SELENOP: variants seen among roughly 807,000 people sequenced by gnomAD.
SELENOP encodes the protein selenoprotein P, plasma, 1.
A neutral mutation model predicts 41.0 loss-of-function variants in SELENOP; 36 were observed. The observed-to-expected ratio is 0.88, with a 90% confidence interval of 0.67 to 1.16. SELENOP has a LOEUF of 1.16. SELENOP is among the 50% of genes most tolerant of loss of function. SELENOP has a pLI of 0.00. For synonymous variants in SELENOP, 144 were observed against 150.8 expected (o/e 0.95, Z 0.33); for missense variants, 440 against 454.2 (o/e 0.97, Z 0.28).
At chr5:42,803,593 A>C (rs1043043311) in intron 4 of SELENOP, among the ~76,000 whole-genome samples, 7 of 152,216 alleles carry the variant, frequency 4.6e-5, no homozygotes, top group African/African-American at 1.7e-4. Context: ...CAACTTACAG[A>C]TAAAATTGTG....
Position 42,806,905 on chromosome 5 carries a change from ATGAGGAAGTCATCTT to A in SELENOP, c.392_406del (p.Lys131_Leu135del). On this transcript the variant is annotated inframe_deletion, in exon 3 of 5. Transcript: ENST00000514985. ...GTGTGTATGTACAAACCTATCATAT[ATGAGGAAGTCATCTT>A]TGCTTCCATTTAAAAGAGTCCAGAC... 6.2e-7 allele frequency: 1 copy of A among 1,601,170 alleles called. No homozygotes were observed. The highest frequency in any genetic ancestry group is 8.5e-7 in the Non-Finnish European group (1 of 1,169,838).
At chr5:42,808,470 C>G in intron 1 of SELENOP, 104 bp from the exon 2 acceptor site, 1 of 414,220 alleles carries the variant, frequency 2.4e-6, no homozygotes. Flanking sequence ...CTAAAAATAC[C>G]TAGCCCATGA....
At chr5:42,810,200 G>A (rs1351279817) in intron 1 of SELENOP, among the ~76,000 whole-genome samples, 5 of 152,160 alleles carry the variant, frequency 3.3e-5, no homozygotes, top group Non-Finnish European at 4.4e-5. Context: ...CAAATCCTAA[G>A]CTACATCTTA....
At chr5:42,809,538 G>A (rs777645312) in intron 1 of SELENOP, among the ~76,000 whole-genome samples, 11 of 152,158 alleles carry the variant, frequency 7.2e-5, no homozygotes, top group Non-Finnish European at 1.3e-4. Context: ...TGAAAACTGG[G>A]AAATCAATAT....
At position 42,806,884 on chromosome 5, in the gene SELENOP, G is replaced by A. The variant is rs1468026655; in HGVS notation, c.416+12C>T. ...TTTTAAATTTGGGATGTGTTTGTGT[G>A]TATGTACAAACCTATCATATATGAG... On this transcript the variant is annotated intron_variant, in intron 3 of 4. Coordinates refer to ENST00000514985, the MANE Select transcript of SELENOP (RefSeq NM_005410.4). 1.3e-6 allele frequency: 2 copies of A among 1,490,842 alleles called. No individual in the cohort carries two copies. Among genetic ancestry groups the A allele is most frequent in the African/African-American group, 1.4e-5 (1 of 72,034 alleles). 92.4% of individuals were successfully genotyped at this position (1,490,842 alleles called of 1,614,324 possible). A position where few individuals can be genotyped will look rare whatever the true frequency, so the allele number is the denominator to read the frequency against.
rs1019852885 is a variant in SELENOP, at chr5:42,808,179, A to C, written c.175T>G (p.Sec59Gly). 1.3e-6 allele frequency: 2 copies of C among 1,565,140 alleles called. No individual in the cohort carries two copies. Among genetic ancestry groups the C allele is most frequent in the Admixed American group, 3.8e-5 (2 of 52,374 alleles). ...VTVVALLQAS[U>G]YLCILQASKL... ...GATGCCTGCAGTATGCACAGGTATC[A>C]GCTGGCTTGAAGAAGAGCAACCACA... Residue 59 changes from selenocysteine (U) to glycine (G), a missense_variant, in exon 2 of 5, where the codon TGA becomes GGA. Coordinates refer to ENST00000514985, the MANE Select transcript of SELENOP (RefSeq NM_005410.4).
rs781508107 is a variant in SELENOP, at chr5:42,800,851, T to C, written c.1015A>G (p.Ile339Val). The change falls in exon 5 of 5, where the codon ATA becomes GTA. Residue 339 changes from isoleucine (I) to valine (V), a missense_variant. By Grantham distance (29) the Ile-to-Val change is conservative. Transcript: ENST00000514985. The stretch of plus-strand genomic sequence containing the variant: ...AAACGTCACTGACAAGATTCAGTTA[T>C]GTTCTCCTCTGCCCGAAGTCCCTGT... Reference protein sequence around the residue: ...SUQGLRAEENITESCQURLPP... With the variant: ...SUQGLRAEENVTESCQURLPP... 8.1e-6 allele frequency: 13 copies of C among 1,614,084 alleles called. No individual in the cohort carries two copies. The Admixed American group carries it at 1.5e-4, about 19-fold the overall frequency.
chr5:42,807,344 A>G, intron 2 of SELENOP: 1 of 291,174 alleles, frequency 3.4e-6, no homozygotes, highest in Non-Finnish European at 6.5e-6. Flanking sequence ...TTTAGTTCTC[A>G]AATTAGCACG....
chr5:42,804,273 A>G (rs1760279367), intron 4 of SELENOP, among the ~76,000 whole-genome samples: 2 of 152,318 alleles, frequency 1.3e-5, no homozygotes, highest in Non-Finnish European at 2.9e-5. Flanking sequence ...CATCCTGGCT[A>G]ACACAGTGAA....
Position 42,804,766 on chromosome 5 carries a change from G to A in SELENOP, c.424C>T (p.Arg142Cys), listed in dbSNP as rs757089721. ...GGCAAACCAAGATGATATACAAGACGGCCACATCTAAGAAAAAGGACAAAT... is the reference window on the plus strand; with the variant it reads ...GGCAAACCAAGATGATATACAAGACAGCCACATCTAAGAAAAAGGACAAAT... Reference protein sequence around the residue: ...DDFLIYDRCGRLVYHLGLPFS... With the variant: ...DDFLIYDRCGCLVYHLGLPFS... The change falls in exon 4 of 5, where the codon CGT (arginine) becomes TGT (cysteine). Residue 142 changes from arginine (R) to cysteine (C), a missense_variant. By Grantham distance (180) the Arg-to-Cys change is radical. Transcript: ENST00000514985. The A allele has an allele frequency of 9.5e-6, 15 of 1,574,070 alleles. No homozygotes were observed. Among genetic ancestry groups the A allele is most frequent in the African/African-American group, 1.4e-5 (1 of 73,616 alleles).
At chr5:42,810,770 T>G (rs939475199) in intron 1 of SELENOP, 1 of 1,104,254 alleles carries the variant, frequency 9.1e-7, no homozygotes, top group African/African-American at 1.7e-5. Flanking sequence ...GAGCACATAT[T>G]GCAAGTAGCT....
chr5:42,810,325 G>GT (rs1408505929), intron 1 of SELENOP, among the ~76,000 whole-genome samples: 1 of 152,160 alleles, frequency 6.6e-6, no homozygotes, highest in Non-Finnish European at 1.5e-5. Context: ...AATTCAAGCT[G>GT]TTTTATTTCT....
At chr5:42,805,874 CA>C (rs1760319988) in intron 3 of SELENOP, 1 of 151,618 alleles carries the variant, frequency 6.6e-6, no homozygotes, top group Admixed American at 6.6e-5. Flanking sequence ...AAAGTCATTT[CA>C]AAAAAATAAA....
chr5:42,804,117 T>G (rs1202920456), intron 4 of SELENOP, among the ~76,000 whole-genome samples: 1 of 152,238 alleles, frequency 6.6e-6, no homozygotes, highest in Non-Finnish European at 1.5e-5. Context: ...TTTTAATTTC[T>G]AAAGCTCTTC....
chr5:42,803,570 T>A (rs945624341), intron 4 of SELENOP, among the ~76,000 whole-genome samples: 2 of 152,144 alleles, frequency 1.3e-5, no homozygotes, highest in African/African-American at 4.8e-5. Context: ...CTGGGGAAAA[T>A]CTGAAGGAAA....
Position 42,801,400 on chromosome 5 carries a change from T to C in SELENOP, c.535-69A>G, listed in dbSNP as rs954129439. The stretch of plus-strand genomic sequence containing the variant: ...TAGGAATAATGCGTGAAAAATGATT[T>C]GTAGAGCTAACATGTGAAATTCCAA... On this transcript the variant is annotated intron_variant, in intron 4 of 4. Coordinates refer to ENST00000514985, the MANE Select transcript of SELENOP (RefSeq NM_005410.4). The C allele has an allele frequency of 2.5e-6, 3 of 1,193,234 alleles. No individual in the cohort carries two copies. In the African/African-American group the frequency reaches 4.6e-5, roughly 18 times the overall value. The allele number at this position is 1,193,234 out of a possible 1,614,324, so 73.9% of individuals were successfully genotyped here.
chr5:42,804,801 C>T, intron 3 of SELENOP, 28 bp from the exon 4 acceptor site: 1 of 1,339,834 alleles, frequency 7.5e-7, no homozygotes, highest in Non-Finnish European at 1.1e-6. Context: ...TACAATGTCA[C>T]TATAATATTT....
At position 42,801,074 on chromosome 5, in the gene SELENOP, T is replaced by C. The variant is rs1298222954; in HGVS notation, c.792A>G (p.Pro264=). The change falls in exon 5 of 5, where the codon CCA becomes CCG. Residue 264 remains proline, a synonymous_variant. Transcript: ENST00000514985. ...GTAAATCTTGTAAATCTTCACTTGC[T>C]GGCATATCTCGGTTCTCTGGGTGAC... ...RQGHPENRDM[P]ASEDLQDLQK... The C allele has an allele frequency of 1.1e-5, 18 of 1,614,134 alleles. No individual in the cohort carries two copies. Among genetic ancestry groups the C allele is most frequent in the Middle Eastern group, 3.3e-4 (2 of 6,084 alleles).
Position 42,800,843 on chromosome 5 carries a change from T to C in SELENOP, c.1023A>G (p.Glu341=). ...CTGGAGGCAAACGTCACTGACAAGA[T>C]TCAGTTATGTTCTCCTCTGCCCGAA... ...QGLRAEENIT[E]SCQURLPPAA... Residue 341 remains glutamate, a synonymous_variant, in exon 5 of 5, where the codon GAA becomes GAG. Coordinates refer to ENST00000514985, the MANE Select transcript of SELENOP (RefSeq NM_005410.4). 1.9e-6 allele frequency: 3 copies of C among 1,614,192 alleles called. No homozygotes were observed. Among genetic ancestry groups the C allele is most frequent in the Non-Finnish European group, 2.5e-6 (3 of 1,180,032 alleles).
Sources: gnomAD v4.1 joint callset for allele counts (sites outside exome capture counted in the v4.1 genomes callset) on GRCh38, gnomAD v4.1.1 for gene constraint, MANE v1.5 for transcripts, NCBI Gene and HGNC (gene_info 2026-07-23, HGNC 2026-07-21) for gene names.